The following AKAP13 variants were observed in gnomAD, a reference collection of about 807,000 sequenced individuals.
The protein encoded by AKAP13 is A-kinase anchoring protein 13.
A neutral mutation model predicts 264.5 loss-of-function variants in AKAP13; 80 were observed. That is an observed-to-expected ratio of 0.30 (90% CI 0.25 to 0.36). The LOEUF is 0.36. Among genes scored for constraint, AKAP13 ranks in the 10% least tolerant of loss-of-function variants. The probability of loss-of-function intolerance (pLI) is 1.00; values close to 1 mark genes in which losing one functional copy is unlikely to be tolerated. For missense variants in AKAP13, 3,712 were observed against 3,435.2 expected, an observed-to-expected ratio of 1.08 and a Z score of -2.01; for synonymous variants, 1,380 against 1,250.2, an observed-to-expected ratio of 1.10 and a Z score of -2.19.
intron 8 of AKAP13, 94 bp downstream of exon 8, chr15:85,585,917 G>A (rs2079320414): frequency 6.6e-6 from 10 of 1,519,718 alleles, no homozygotes; most frequent in Middle Eastern, 1.7e-4. Context: ...TTGAGGGTAA[G>A]TGGGCAAAAT....
At chr15:85,702,548 C>G (rs2085993545) in intron 17 of AKAP13, 1 of 152,144 alleles carries the variant, frequency 6.6e-6, no homozygotes, top group African/African-American at 2.4e-5. Context: ...TCCTAGGAAA[C>G]CTTTGTGCTC....
intron 1 of AKAP13, among the ~76,000 whole-genome samples, chr15:85,467,750 T>C (rs1192166110): frequency 1.3e-5 from 2 of 152,242 alleles, no homozygotes; most frequent in Admixed American, 6.5e-5. Flanking sequence ...TACTGAATTT[T>C]GGCGAATGAG....
At chr15:85,415,489 A>C (rs570736849) in intron 1 of AKAP13, 26 of 1,561,664 alleles carry the variant, frequency 1.7e-5, no homozygotes, top group Admixed American at 1.5e-4. Context: ...ACTGTGTGCA[A>C]CTTTACAGAT....
In AKAP13 at chr15:85,731,270, G is replaced by A. The variant is rs765127810; in HGVS notation, c.7282+563G>A. ...ATCCACCCACCTTGGCCTCTCAAAGGGCTGATATTATAGGCGTGAGCCACT... is the reference window on the plus strand; with the variant it reads ...ATCCACCCACCTTGGCCTCTCAAAGAGCTGATATTATAGGCGTGAGCCACT... On this transcript the variant is annotated intron_variant, in intron 30 of 36. Transcript: ENST00000394518. Among the ~76,000 whole-genome samples, 7 of 152,084 alleles carry A rather than the reference G, an allele frequency of 4.6e-5. No individual in the cohort carries two copies. The South Asian group carries it at 6.2e-4, about 14-fold the overall frequency.
At chr15:85,544,487 G>A (rs1195831631) in intron 5 of AKAP13, among the ~76,000 whole-genome samples, 1 of 152,178 alleles carries the variant, frequency 6.6e-6, no homozygotes, top group Admixed American at 6.5e-5. Context: ...CATATGAACA[G>A]CAATAAAAAG....
In AKAP13 at chr15:85,685,025, T is replaced by G. The variant is rs552939358; in HGVS notation, c.5289+152T>G. ...TCGCCTAATATTTAAAGGAAAATAA[T>G]AAGAAGAAAAATAGCAAGAAGTGGA... On this transcript the variant is annotated intron_variant, in intron 16 of 36. Transcript: ENST00000394518. 1.0e-4 allele frequency: 101 copies of G among 987,588 alleles called. 1 individual carries two copies. Among genetic ancestry groups the G allele is most frequent in the Middle Eastern group, 8.8e-4 (4 of 4,538 alleles). 61.2% of individuals were successfully genotyped at this position (987,588 alleles called of 1,614,324 possible).
At chr15:85,638,387 T>C (rs1250426801) in intron 8 of AKAP13, among the ~76,000 whole-genome samples, 1 of 152,150 alleles carries the variant, frequency 6.6e-6, no homozygotes, top group Non-Finnish European at 1.5e-5. Context: ...ATTTGTTTTA[T>C]TTGAGGTTTG....
chr15:85,677,472 G>T (rs2084290638), intron 14 of AKAP13, among the ~76,000 whole-genome samples: 1 of 152,086 alleles, frequency 6.6e-6, no homozygotes, highest in African/African-American at 2.4e-5. Flanking sequence ...TCCTTGTTGT[G>T]TTGTTCTGTC....
chr15:85,463,686 G>A (rs1206227796), intron 1 of AKAP13, among the ~76,000 whole-genome samples: 2 of 152,078 alleles, frequency 1.3e-5, no homozygotes, highest in Non-Finnish European at 2.9e-5. Flanking sequence ...CTGAGAAAGG[G>A]CAAAAAGGAG....
At chr15:85,492,278 A>G (rs1409504809) in intron 2 of AKAP13, among the ~76,000 whole-genome samples, 1 of 152,218 alleles carries the variant, frequency 6.6e-6, no homozygotes, top group Non-Finnish European at 1.5e-5. Flanking sequence ...GTACCTTGGG[A>G]GGCCAAGGCA....
chr15:85,401,396 A>G (rs2071415040), intron 1 of AKAP13, among the ~76,000 whole-genome samples: 1 of 152,130 alleles, frequency 6.6e-6, no homozygotes, highest in African/African-American at 2.4e-5. Context: ...GCCAACCTGA[A>G]TTGATCAGAA....
chr15:85,443,651 T>C (rs991249017), intron 1 of AKAP13, among the ~76,000 whole-genome samples: 4 of 152,146 alleles, frequency 2.6e-5, no homozygotes, highest in Non-Finnish European at 5.9e-5. Flanking sequence ...TATAATCTTA[T>C]GTGACCGACT....
At chr15:85,650,788 AAAC>A (rs1555455271) in intron 10 of AKAP13, among the ~76,000 whole-genome samples, 2,486 of 123,964 alleles carry the variant, frequency 0.02, 10 homozygotes, top group Middle Eastern at 0.055. Context: ...AAAAAAAAAA[AAAC>A]AACAAAAACT....
rs1391679286 is a variant in AKAP13, at chr15:85,748,059, C to T, written c.*3382C>T. On this transcript the variant is annotated 3_prime_UTR_variant, in exon 37 of 37. Transcript: ENST00000394518. ...ATAACCTTAGAGGCCAGAACTTGAT[C>T]CAGAAGTTGCTGTCCACAGAAGTGC... 2 of 152,198 alleles carry T rather than the reference C, an allele frequency of 1.3e-5. No individual in the cohort carries two copies. Among genetic ancestry groups the T allele is most frequent in the African/African-American group, 4.8e-5 (2 of 41,424 alleles). The allele number at this position is 152,198 out of a possible 1,614,324, so 9.4% of individuals were successfully genotyped here.
intron 7 of AKAP13, chr15:85,583,018 G>T (rs1483361431): frequency 1.3e-5 from 13 of 985,350 alleles, no homozygotes; most frequent in Non-Finnish European, 1.6e-5. Flanking sequence ...CTTAACGGGG[G>T]TTGAGGCTGA....
chr15:85,526,843 C>G (rs2077064752), intron 3 of AKAP13, among the ~76,000 whole-genome samples: 1 of 151,898 alleles, frequency 6.6e-6, no homozygotes, highest in Non-Finnish European at 1.5e-5. Flanking sequence ...TTCTAGAAAA[C>G]TTAAATTACT....
intron 1 of AKAP13, among the ~76,000 whole-genome samples, chr15:85,463,884 G>T (rs768315498): frequency 6.6e-6 from 1 of 151,816 alleles, no homozygotes; most frequent in Non-Finnish European, 1.5e-5. Flanking sequence ...TTGCCAATGT[G>T]CCTTGATTGA....
intron 7 of AKAP13, 49 bp downstream of exon 7, chr15:85,582,156 T>G: frequency 2.6e-6 from 4 of 1,520,326 alleles, no homozygotes; most frequent in Non-Finnish European, 3.5e-6. Context: ...CAGATTCCCT[T>G]AAGAGTCACT....
At chr15:85,740,737 CAA>C (rs2088894202) in intron 34 of AKAP13, among the ~76,000 whole-genome samples, 1 of 130,648 alleles carries the variant, frequency 7.7e-6, no homozygotes, top group African/African-American at 3.0e-5. Context: ...CACACACACA[CAA>C]CCCACCCACC....
Sources: allele counts gnomAD v4.1 joint callset (sites outside exome capture counted in the v4.1 genomes callset), GRCh38; gene constraint gnomAD v4.1.1; transcripts MANE v1.5; gene names NCBI Gene and HGNC (gene_info 2026-07-23, HGNC 2026-07-21).